Variants in THSD7A observed in about 807,000 individuals in gnomAD.
THSD7A encodes the protein thrombospondin type 1 domain containing 7A, also known as thrombospondin type-1 domain-containing protein 7A.
A neutral mutation model predicts 231.3 loss-of-function variants in THSD7A; 96 were observed. The ratio of observed to expected loss-of-function variants is 0.41; its 90% CI spans 0.35 to 0.49. The LOEUF is 0.49. THSD7A is among the 20% of genes least tolerant of loss of function. The probability of loss-of-function intolerance (pLI) is 0.05; values close to 1 mark genes in which losing one functional copy is unlikely to be tolerated. For missense variants in THSD7A, 2,290 were observed against 2,070.2 expected (o/e 1.11, Z -2.06); for synonymous variants, 940 against 743.3 (o/e 1.26, Z -4.30).
chr7:11,720,563 T>A (rs1211216825), intron 1 of THSD7A, among the ~76,000 whole-genome samples: 1 of 151,762 alleles, frequency 6.6e-6, no homozygotes, highest in Non-Finnish European at 1.5e-5. Context: ...GCATGTTGTG[T>A]TTCAGTTTTG....
rs968737090 is a variant in THSD7A at position 11,371,597 on chromosome 7, G to C, written c.*4197C>G. Reference sequence around the variant, plus strand: ...TGAGACCCACGTCAGCTTTAGAACAGGCTCTCCCTTCTGTATGGTACTGAA... The same window carrying C: ...TGAGACCCACGTCAGCTTTAGAACACGCTCTCCCTTCTGTATGGTACTGAA... On this transcript the variant is annotated 3_prime_UTR_variant, in exon 28 of 28. Coordinates refer to ENST00000423059, the MANE Select transcript of THSD7A (RefSeq NM_015204.3). 3.2e-4 allele frequency: 49 copies of C among 152,150 alleles called. No homozygotes were observed. The highest frequency in any genetic ancestry group is 1.2e-3 in the African/African-American group (49 of 41,424). The allele number at this position is 152,150 out of a possible 1,614,324, so 9.4% of individuals were successfully genotyped here. A position where few individuals can be genotyped will look rare whatever the true frequency, so the allele number is the denominator to read the frequency against.
chr7:11,642,602 G>C (rs1307009089), intron 1 of THSD7A, among the ~76,000 whole-genome samples: 1 of 152,040 alleles, frequency 6.6e-6, no homozygotes, highest in Non-Finnish European at 1.5e-5. Context: ...TAAAGCAACT[G>C]TTTTATATGC....
At position 11,474,275 on chromosome 7, in the gene THSD7A, G is replaced by A. The variant is rs897575885; in HGVS notation, c.2252+59C>T. 3.5e-6 allele frequency: 5 copies of A among 1,421,454 alleles called. No individual in the cohort carries two copies. The highest frequency in any genetic ancestry group is 1.9e-4 in the Middle Eastern group (1 of 5,390). The allele number at this position is 1,421,454 out of a possible 1,614,324, so 88.1% of individuals were successfully genotyped here. On this transcript the variant is annotated intron_variant, in intron 8 of 27. Transcript: ENST00000423059. The surrounding 1 kb of genome is among the most constrained non-coding windows in gnomAD (Gnocchi z 4.1). Reference sequence around the variant, plus strand: ...CCATTTCATGAAGCCAGTGAAGCCTGAGCCAATCCTCTGCACAGGTGGCTA... The same window carrying A: ...CCATTTCATGAAGCCAGTGAAGCCTAAGCCAATCCTCTGCACAGGTGGCTA...
At chr7:11,424,980 T>C in intron 15 of THSD7A, 151 bp from the exon 16 acceptor site, 1 of 958,052 alleles carries the variant, frequency 1.0e-6, no homozygotes, top group Non-Finnish European at 1.5e-6. Flanking sequence ...TAGAGAGAAC[T>C]CAAGAGTTCT....
At chr7:11,825,062 T>G (rs971153293) in intron 1 of THSD7A, among the ~76,000 whole-genome samples, 2 of 152,124 alleles carry the variant, frequency 1.3e-5, no homozygotes, top group Non-Finnish European at 2.9e-5. Flanking sequence ...CTATATATTT[T>G]TTTTTGTCTT....
chr7:11,721,605 T>G (rs1270909618), intron 1 of THSD7A, among the ~76,000 whole-genome samples: 1 of 151,810 alleles, frequency 6.6e-6, no homozygotes, highest in Non-Finnish European at 1.5e-5. Context: ...ACTAATACAC[T>G]AACCTAAAGC....
chr7:11,677,681 G>A (rs1347410642), intron 1 of THSD7A, among the ~76,000 whole-genome samples: 1 of 150,134 alleles, frequency 6.7e-6, no homozygotes. Flanking sequence ...AAAGACAAAG[G>A]GCATTACATA....
At chr7:11,725,472 C>T (rs1781515903) in intron 1 of THSD7A, among the ~76,000 whole-genome samples, 1 of 151,912 alleles carries the variant, frequency 6.6e-6, no homozygotes, top group African/African-American at 2.4e-5. Context: ...AGTGAATCTG[C>T]TAAGATTCAC....
intron 6 of THSD7A, among the ~76,000 whole-genome samples, chr7:11,511,796 A>G (rs980365262): frequency 6.6e-6 from 1 of 152,248 alleles, no homozygotes; most frequent in African/African-American, 2.4e-5. Context: ...AGATGGATTA[A>G]AAACTTAAAT....
At chr7:11,689,597 G>A (rs1316397231) in intron 1 of THSD7A, among the ~76,000 whole-genome samples, 3 of 151,438 alleles carry the variant, frequency 2.0e-5, no homozygotes, top group Admixed American at 6.6e-5. Flanking sequence ...TAATGTCAGG[G>A]GCCATTTTCG....
intron 1 of THSD7A, among the ~76,000 whole-genome samples, chr7:11,816,063 C>T (rs763395405): frequency 4.6e-5 from 7 of 152,122 alleles, no homozygotes; most frequent in Non-Finnish European, 1.0e-4. Flanking sequence ...TCTCATTTTG[C>T]AAGAGAATTA....
Position 11,411,073 on chromosome 7 carries a change from A to T in THSD7A, c.3798+134T>A. 1 of 624,780 alleles carries T rather than the reference A, an allele frequency of 1.6e-6. No individual in the cohort carries two copies. The highest frequency in any genetic ancestry group is 2.9e-6 in the Non-Finnish European group (1 of 350,856). 38.7% of individuals were successfully genotyped at this position (624,780 alleles called of 1,614,324 possible). A position where few individuals can be genotyped will look rare whatever the true frequency, so the allele number is the denominator to read the frequency against. Reference sequence around the variant, plus strand: ...GGACATTGTGTCTTTTCAAGAACATACTTAGCCTGTGAACAGTGCAGAAAA... The same window carrying T: ...GGACATTGTGTCTTTTCAAGAACATTCTTAGCCTGTGAACAGTGCAGAAAA... On this transcript the variant is annotated intron_variant, in intron 19 of 27. Coordinates refer to ENST00000423059, the MANE Select transcript of THSD7A (RefSeq NM_015204.3). The surrounding 1 kb of genome is among the most constrained non-coding windows in gnomAD (Gnocchi z 4.1).
chr7:11,709,423 C>T (rs775397470), intron 1 of THSD7A, among the ~76,000 whole-genome samples: 6 of 150,658 alleles, frequency 4.0e-5, no homozygotes, highest in African/African-American at 7.3e-5. Flanking sequence ...TTCTAACTTA[C>T]CAGTCTCATA....
In THSD7A at chr7:11,831,855, G is replaced by T; in HGVS notation, c.92C>A (p.Pro31Gln). The change falls in exon 1 of 28, where the codon CCG becomes CAG. Residue 31 changes from proline to glutamine, a missense_variant. Physicochemically the swap from Pro to Gln is moderately conservative, Grantham distance 76 (BLOSUM62 -1). Coordinates refer to ENST00000423059, the MANE Select transcript of THSD7A (RefSeq NM_015204.3). This position sits in a 1 kb window ranked among gnomAD's most constrained non-coding sequence, Gnocchi z 5.0. ...CAGCAGCAGCAGGAGCAGCGGCAGCGGCAGCGGCAGCGGCAGCAGCTGCAG... is the reference window on the plus strand; with the variant it reads ...CAGCAGCAGCAGGAGCAGCGGCAGCTGCAGCGGCAGCGGCAGCAGCTGCAG... ...GVLQLLPLPL[P>Q]LPLLLLLLLR... 8.0e-7 allele frequency: 1 copy of T among 1,247,960 alleles called. No individual in the cohort carries two copies. Among genetic ancestry groups the T allele is most frequent in the Non-Finnish European group, 1.0e-6 (1 of 986,302 alleles). The allele number at this position is 1,247,960 out of a possible 1,614,324, so 77.3% of individuals were successfully genotyped here.
At chr7:11,712,339 C>G (rs543815561) in intron 1 of THSD7A, among the ~76,000 whole-genome samples, 1 of 150,878 alleles carries the variant, frequency 6.6e-6, no homozygotes, top group African/African-American at 2.4e-5. Flanking sequence ...TGAGTTTAGG[C>G]TTGAAGGAAT....
At chr7:11,419,175 G>A (rs1020775272) in intron 16 of THSD7A, among the ~76,000 whole-genome samples, 1 of 152,144 alleles carries the variant, frequency 6.6e-6, no homozygotes. Flanking sequence ...AAGCAGTTAT[G>A]TCCATAAATC....
At chr7:11,746,799 G>C (rs986569468) in intron 1 of THSD7A, among the ~76,000 whole-genome samples, 2 of 151,804 alleles carry the variant, frequency 1.3e-5, no homozygotes, top group Admixed American at 6.6e-5. Flanking sequence ...ATTAAATACA[G>C]TTTATACTCT....
chr7:11,555,056 A>G (rs1789788716), intron 4 of THSD7A, among the ~76,000 whole-genome samples: 1 of 150,972 alleles, frequency 6.6e-6, no homozygotes, highest in South Asian at 2.1e-4. Flanking sequence ...TGTTTGTTTT[A>G]TTGGTTTTTC....
intron 1 of THSD7A, among the ~76,000 whole-genome samples, chr7:11,801,045 T>C (rs571741876): frequency 2.0e-5 from 3 of 152,232 alleles, no homozygotes; most frequent in Non-Finnish European, 4.4e-5. Flanking sequence ...CTCACGCCTG[T>C]AATCCTAGCA....
Sources: gnomAD v4.1 joint callset for allele counts (sites outside exome capture counted in the v4.1 genomes callset) on GRCh38, gnomAD v4.1.1 for gene constraint, Gnocchi (gnomAD v3.1) non-coding constraint, MANE v1.5 for transcripts, NCBI Gene and HGNC (gene_info 2026-07-23, HGNC 2026-07-21) for gene names.